Variants in HELZ observed in about 807,000 individuals in gnomAD.
HELZ encodes helicase with zinc finger.
HELZ carries 23 observed loss-of-function variants against 218.2 expected under a neutral mutation model. The observed-to-expected ratio is 0.11, with a 90% confidence interval of 0.08 to 0.15. The LOEUF (loss-of-function observed/expected upper bound fraction) is 0.15. Among genes scored for constraint, HELZ ranks in the 10% least tolerant of loss-of-function variants. The pLI, the probability that HELZ is intolerant of heterozygous loss-of-function variation, is 1.00. For missense variants in HELZ, 1,813 were observed against 2,353.7 expected (o/e 0.77, Z 4.75); for synonymous variants, 814 against 829.4 (o/e 0.98, Z 0.32).
chr17:67,152,784 A>AAC (rs1190252396), intron 17 of HELZ, among the ~76,000 whole-genome samples: 1 of 151,064 alleles, frequency 6.6e-6, no homozygotes, highest in African/African-American at 2.4e-5. Context: ...AAAAAAAAAA[A>AAC]ACAACTAGTG....
chr17:67,129,582 G>C (rs1004406332), intron 23 of HELZ, among the ~76,000 whole-genome samples: 3 of 151,922 alleles, frequency 2.0e-5, no homozygotes, highest in Non-Finnish European at 4.4e-5. Context: ...TAATTAACAG[G>C]TGCTTGTTAC....
At position 67,123,178 on chromosome 17, in the gene HELZ, A is replaced by G. The variant is rs1326127740; in HGVS notation, c.3440-18T>C. ...GGGCTGAACTGAAAAATAAACAGAA[A>G]AAGGATGCACTCAACAGCTGTACAT... On this transcript the variant is annotated intron_variant, in intron 25 of 32. Coordinates refer to ENST00000358691, the MANE Select transcript of HELZ (RefSeq NM_014877.4). 5.8e-6 allele frequency: 9 copies of G among 1,559,838 alleles called. No individual in the cohort carries two copies. The highest frequency in any genetic ancestry group is 7.9e-6 in the Non-Finnish European group (9 of 1,134,862).
chr17:67,198,159 T>C (rs1007427043), intron 7 of HELZ, among the ~76,000 whole-genome samples: 5 of 152,130 alleles, frequency 3.3e-5, no homozygotes, highest in African/African-American at 1.2e-4. Flanking sequence ...AATAAATTTA[T>C]CAAATGTGCA....
chr17:67,092,770 G>A (rs578076681), intron 31 of HELZ, among the ~76,000 whole-genome samples: 42 of 152,034 alleles, frequency 2.8e-4, no homozygotes, highest in Non-Finnish European at 5.3e-4. Context: ...GTTTGAGACC[G>A]GCTGGCCAAC....
chr17:67,191,962 G>A (rs946217090), intron 9 of HELZ, among the ~76,000 whole-genome samples: 4 of 151,772 alleles, frequency 2.6e-5, no homozygotes, highest in Non-Finnish European at 5.9e-5. Context: ...CCAGCACTTT[G>A]GGAGGCCAAG....
Position 67,188,703 on chromosome 17 carries a change from A to T in HELZ, c.865-87T>A. 9.2e-7 allele frequency: 1 copy of T among 1,088,358 alleles called. No homozygotes were observed. The highest frequency in any genetic ancestry group is 1.3e-6 in the Non-Finnish European group (1 of 754,464). The allele number at this position is 1,088,358 out of a possible 1,614,324, so 67.4% of individuals were successfully genotyped here. ...GCTCTTCAATGAAAATATTTCCATA[A>T]GGGACTTTTACTTCCCCAAGCTTCT... On this transcript the variant is annotated intron_variant, in intron 11 of 32. Transcript: ENST00000358691. The surrounding 1 kb of genome is among the most constrained non-coding windows in gnomAD (Gnocchi z 4.1).
rs2037738404 is a variant in HELZ at position 67,125,040 on chromosome 17, C to A, written c.3388-1026G>T. On this transcript the variant is annotated intron_variant, in intron 24 of 32. Coordinates refer to ENST00000358691, the MANE Select transcript of HELZ (RefSeq NM_014877.4). Reference sequence around the variant, plus strand: ...TATGTCTACAGCAGGAAAAAAAAATCATTCTTGACAAAAGCAAAAATACAA... The same window carrying A: ...TATGTCTACAGCAGGAAAAAAAAATAATTCTTGACAAAAGCAAAAATACAA... Among the ~76,000 whole-genome samples, 6 of 146,492 alleles carry A rather than the reference C, an allele frequency of 4.1e-5. No homozygotes were observed. The Admixed American group carries it at 4.1e-4, about 10-fold the overall frequency.
rs1240033290 is a variant in HELZ, at chr17:67,096,178, A to G, written c.5242-9097T>C. On this transcript the variant is annotated intron_variant, in intron 31 of 32. Transcript: ENST00000358691. ...CACCAGCAAAGCAGTAGGTCTCAATAGTGGGTTTAAAACATGGGTTAAACC... is the reference window on the plus strand; with the variant it reads ...CACCAGCAAAGCAGTAGGTCTCAATGGTGGGTTTAAAACATGGGTTAAACC... Among the ~76,000 whole-genome samples, 6 of 141,804 alleles carry G rather than the reference A, an allele frequency of 4.2e-5. No homozygotes were observed. In the East Asian group the frequency reaches 1.3e-3, roughly 31 times the overall value. 93.0% of individuals were successfully genotyped at this position (141,804 alleles called of 152,430 possible). A position where few individuals can be genotyped will look rare whatever the true frequency, so the allele number is the denominator to read the frequency against.
Position 67,167,616 on chromosome 17 carries a change from T to C in HELZ, c.1611A>G (p.Leu537=), listed in dbSNP as rs1382746431. ...VMTKVNAVYL[L]PVPKQKLVQT... ...GTACTAACTTCTGTTTAGGGACTGGTAATAAATAAACAGCATTGACTTTGG... is the reference window on the plus strand; with the variant it reads ...GTACTAACTTCTGTTTAGGGACTGGCAATAAATAAACAGCATTGACTTTGG... The change falls in exon 14 of 33, where the codon TTA becomes TTG. Residue 537 remains leucine (L), a synonymous_variant. Coordinates refer to ENST00000358691, the MANE Select transcript of HELZ (RefSeq NM_014877.4). 3 of 1,614,206 alleles carry C rather than the reference T, an allele frequency of 1.9e-6. No individual in the cohort carries two copies. In the African/African-American group the frequency reaches 4.0e-5, roughly 22 times the overall value.
intron 28 of HELZ, among the ~76,000 whole-genome samples, chr17:67,112,585 A>G (rs926918978): frequency 1.3e-5 from 2 of 152,256 alleles, no homozygotes; most frequent in African/African-American, 4.8e-5. Context: ...TTCCATATAT[A>G]GAAGCTGTGA....
intron 5 of HELZ, among the ~76,000 whole-genome samples, chr17:67,211,599 G>C (rs1239245610): frequency 6.6e-6 from 1 of 152,106 alleles, no homozygotes; most frequent in Non-Finnish European, 1.5e-5. Flanking sequence ...GGTGGTTCAC[G>C]CCTATAATCC....
intron 3 of HELZ, among the ~76,000 whole-genome samples, chr17:67,227,439 G>A (rs573264646): frequency 2.0e-5 from 3 of 152,040 alleles, no homozygotes; most frequent in East Asian, 3.9e-4. Flanking sequence ...TGCCCACCTC[G>A]GCCTCCCAAA....
intron 15 of HELZ, among the ~76,000 whole-genome samples, chr17:67,164,810 C>T (rs2039093827): frequency 6.6e-6 from 1 of 152,084 alleles, no homozygotes; most frequent in Admixed American, 6.6e-5. Context: ...CATACACAGG[C>T]GCTTTGGCTT....
chr17:67,108,714 C>T lies in HELZ; in HGVS notation c.4502G>A (p.Gly1501Glu), dbSNP rs1223615229. Residue 1501 changes from glycine to glutamate, a missense_variant, in exon 30 of 33, where the codon GGG (glycine) becomes GAG (glutamate). Physicochemically the swap from Gly to Glu is moderately conservative, Grantham distance 98. Transcript: ENST00000358691. The surrounding 1 kb of genome is among the most constrained non-coding windows in gnomAD (Gnocchi z 4.1). ...CCTTAATGTTTCCAGAGCGACACTC[C>T]CATGTATACGATCTGCAAAAATATT... ...PIGEALDRIHGSVALETLRQQ... is the reference protein window; with the variant it reads ...PIGEALDRIHESVALETLRQQ... 1.9e-6 allele frequency: 3 copies of T among 1,587,620 alleles called. No individual in the cohort carries two copies. The highest frequency in any genetic ancestry group is 1.7e-4 in the Middle Eastern group (1 of 5,962).
intron 32 of HELZ, among the ~76,000 whole-genome samples, 196 bp downstream of exon 32, chr17:67,086,625 AATATAAAT>A (rs1555594154): frequency 2.9e-4 from 11 of 38,546 alleles, no homozygotes; most frequent in African/African-American, 5.5e-4. Flanking sequence ...AATAAATATA[AATATAAAT>A]ATATATATAT....
chr17:67,244,918 G>A (rs2041436927), intron 1 of HELZ: 4 of 985,936 alleles, frequency 4.1e-6, no homozygotes, highest in Non-Finnish European at 4.8e-6. Context: ...CAGCGGAGGG[G>A]AAGGGGACTA....
At chr17:67,212,233 T>C (rs2040471724) in intron 5 of HELZ, among the ~76,000 whole-genome samples, 1 of 137,900 alleles carries the variant, frequency 7.3e-6, no homozygotes, top group Non-Finnish European at 1.5e-5. Flanking sequence ...GAGAATTGCT[T>C]GAACCCAGGA....
At chr17:67,205,236 G>C (rs1057502782) in intron 5 of HELZ, among the ~76,000 whole-genome samples, 1 of 151,630 alleles carries the variant, frequency 6.6e-6, no homozygotes, top group Non-Finnish European at 1.5e-5. Context: ...TGAGGCAGGA[G>C]AACCGCTTGA....
At chr17:67,140,117 A>G (rs994880701) in intron 21 of HELZ, among the ~76,000 whole-genome samples, 3 of 151,796 alleles carry the variant, frequency 2.0e-5, no homozygotes, top group Admixed American at 2.0e-4. Flanking sequence ...GCAGATCCCA[A>G]CCTCCCCTGA....
Sources: gnomAD v4.1 joint callset for allele counts (sites outside exome capture counted in the v4.1 genomes callset) on GRCh38, gnomAD v4.1.1 for gene constraint, Gnocchi (gnomAD v3.1) non-coding constraint, MANE v1.5 for transcripts, NCBI Gene and HGNC (gene_info 2026-07-23, HGNC 2026-07-21) for gene names.